The following PCDH9 variants were observed in gnomAD, a reference collection of about 807,000 sequenced individuals.
PCDH9 encodes the protein protocadherin-9.
Under a neutral mutation model 70.6 loss-of-function variants are expected in PCDH9, and 24 were observed. That is an observed-to-expected ratio of 0.34 (90% CI 0.25 to 0.48). PCDH9 has a LOEUF of 0.48. Among genes scored for constraint, PCDH9 ranks in the 20% least tolerant of loss-of-function variants. The pLI, the probability that PCDH9 is intolerant of heterozygous loss-of-function variation, is 0.99. For synonymous variants in PCDH9, 562 were observed against 558.5 expected (o/e 1.01, Z -0.09); for missense variants, 1,281 against 1,503.6 (o/e 0.85, Z 2.45).
chr13:66,763,827 G>C (rs2079666973), intron 3 of PCDH9, among the ~76,000 whole-genome samples: 1 of 151,834 alleles, frequency 6.6e-6, no homozygotes, highest in Non-Finnish European at 1.5e-5. Flanking sequence ...ACGGAGTCCT[G>C]ATCTGTCATC....
chr13:67,107,283 G>A (rs1018045751), intron 2 of PCDH9, among the ~76,000 whole-genome samples: 1 of 150,490 alleles, frequency 6.6e-6, no homozygotes, highest in Non-Finnish European at 1.5e-5. Flanking sequence ...AAGCATGGGG[G>A]CCGGGCTGTC....
At chr13:66,977,917 A>G (rs2083654443) in intron 2 of PCDH9, among the ~76,000 whole-genome samples, 1 of 152,176 alleles carries the variant, frequency 6.6e-6, no homozygotes, top group South Asian at 2.1e-4. Flanking sequence ...AGGCAAAAAT[A>G]TAATGTTTAG....
At chr13:66,878,799 G>C (rs2139530690) in intron 3 of PCDH9, among the ~76,000 whole-genome samples, 1 of 152,274 alleles carries the variant, frequency 6.6e-6, no homozygotes, top group East Asian at 1.9e-4. Flanking sequence ...AGGAATCTTG[G>C]TGGGCTTAAT....
intron 4 of PCDH9, among the ~76,000 whole-genome samples, chr13:66,364,014 G>A (rs1054143320): frequency 2.0e-5 from 3 of 152,046 alleles, no homozygotes; most frequent in Non-Finnish European, 2.9e-5. Context: ...AATTAGCCGG[G>A]TATGTTGGCA....
At chr13:67,019,592 G>C (rs1334414728) in intron 2 of PCDH9, among the ~76,000 whole-genome samples, 1 of 152,158 alleles carries the variant, frequency 6.6e-6, no homozygotes, top group Non-Finnish European at 1.5e-5. Context: ...CAAGACTGTA[G>C]GGCTAATGAG....
intron 4 of PCDH9, among the ~76,000 whole-genome samples, chr13:66,395,494 G>A (rs891141758): frequency 8.5e-5 from 13 of 152,100 alleles, no homozygotes; most frequent in Middle Eastern, 3.4e-3. Flanking sequence ...CTAGCTACTC[G>A]GGAACTAAGA....
chr13:66,525,932 A>G (rs1458192202), intron 4 of PCDH9, among the ~76,000 whole-genome samples: 1 of 152,120 alleles, frequency 6.6e-6, no homozygotes, highest in Non-Finnish European at 1.5e-5. Context: ...AGTAGTGTTT[A>G]AATCCTTCCA....
chr13:66,328,830 C>A (rs1348759172), intron 4 of PCDH9, among the ~76,000 whole-genome samples: 1 of 152,014 alleles, frequency 6.6e-6, no homozygotes, highest in Non-Finnish European at 1.5e-5. Context: ...AATATCAAAG[C>A]ATATTTTCTT....
At chr13:67,181,536 T>G (rs2987321) in intron 2 of PCDH9, among the ~76,000 whole-genome samples, 112,443 of 152,038 alleles carry the variant, frequency 0.74, 41,956 homozygotes, top group East Asian at 0.85. Context: ...AACTTGCTAA[T>G]ATGGTATGAC....
At chr13:66,784,532 T>C (rs926874023) in intron 3 of PCDH9, among the ~76,000 whole-genome samples, 7 of 152,188 alleles carry the variant, frequency 4.6e-5, no homozygotes, top group Non-Finnish European at 7.4e-5. Context: ...AATAATCCTC[T>C]ATATGTCTTA....
chr13:66,847,933 G>A (rs1347652389), intron 3 of PCDH9, among the ~76,000 whole-genome samples: 4 of 152,176 alleles, frequency 2.6e-5, no homozygotes, highest in Non-Finnish European at 4.4e-5. Context: ...GGTTGACCAT[G>A]GGTAACTGAA....
chr13:67,099,980 A>G (rs1332070703), intron 2 of PCDH9, among the ~76,000 whole-genome samples: 1 of 152,198 alleles, frequency 6.6e-6, no homozygotes, highest in East Asian at 1.9e-4. Context: ...GAGTTCAAAC[A>G]CACTCTTCCT....
At chr13:66,445,925 C>T (rs557037898) in intron 4 of PCDH9, among the ~76,000 whole-genome samples, 2 of 151,370 alleles carry the variant, frequency 1.3e-5, no homozygotes, top group South Asian at 4.1e-4. Context: ...GTAAGCCTTT[C>T]GATGCCAATT....
chr13:67,112,410 T>C (rs537727620), intron 2 of PCDH9, among the ~76,000 whole-genome samples: 1 of 152,306 alleles, frequency 6.6e-6, no homozygotes, highest in East Asian at 1.9e-4. Context: ...ACTCTTATCC[T>C]GAACAGATAC....
intron 3 of PCDH9, among the ~76,000 whole-genome samples, chr13:66,633,472 C>A (rs1004304346): frequency 6.6e-6 from 1 of 152,072 alleles, no homozygotes; most frequent in Non-Finnish European, 1.5e-5. Context: ...CAAATATTAG[C>A]CATTTATGTT....
chr13:66,860,777 A>C (rs544323259), intron 3 of PCDH9, among the ~76,000 whole-genome samples: 1 of 152,326 alleles, frequency 6.6e-6, no homozygotes, highest in African/African-American at 2.4e-5. Context: ...AGAGCGAAAC[A>C]GAGGTCTAAC....
rs1957751428 is a variant in PCDH9, at chr13:66,430,464, AG to A, written c.3341-125437del. Among the ~76,000 whole-genome samples, 5 of 152,162 alleles carry A rather than the reference AG, an allele frequency of 3.3e-5. No individual in the cohort carries two copies. The South Asian group carries it at 1.0e-3, about 32-fold the overall frequency. On this transcript the variant is annotated intron_variant, in intron 4 of 4. Transcript: ENST00000377865. ...CTGAGTAGTCTGTAAGGGAGAGTGA[AG>A]GATGCATTTTTAAAGATGTTGCTAA...
At chr13:67,077,003 A>G (rs891419709) in intron 2 of PCDH9, among the ~76,000 whole-genome samples, 2 of 152,178 alleles carry the variant, frequency 1.3e-5, no homozygotes, top group Admixed American at 1.3e-4. Context: ...TCTTCTGCCT[A>G]GTATTGAAAG....
intron 3 of PCDH9, among the ~76,000 whole-genome samples, chr13:66,717,737 A>C (rs1191978866): frequency 6.6e-6 from 1 of 151,876 alleles, no homozygotes; most frequent in Non-Finnish European, 1.5e-5. Context: ...TGATATTTTC[A>C]GAGTAGGTGC....
Sources: allele counts gnomAD v4.1 joint callset (sites outside exome capture counted in the v4.1 genomes callset), GRCh38; gene constraint gnomAD v4.1.1; transcripts MANE v1.5; gene names NCBI Gene and HGNC (gene_info 2026-07-23, HGNC 2026-07-21).